Variants in EYS observed in about 807,000 individuals in gnomAD.
The protein encoded by EYS is EGF-like photoreceptor maintenance factor.
EYS carries 250 observed loss-of-function variants against 282.1 expected under a neutral mutation model. The observed-to-expected ratio is 0.89, with a 90% CI of 0.80 to 0.98. The LOEUF is 0.98. EYS is among the 50% of genes least tolerant of loss of function. The pLI is 0.00. For missense variants in EYS, 4,016 were observed against 3,709.0 expected (o/e 1.08, Z -2.15); for synonymous variants, 1,355 against 1,282.9 (o/e 1.06, Z -1.20).
At chr6:64,188,731 A>G (rs892686103) in intron 31 of EYS, among the ~76,000 whole-genome samples, 3 of 151,842 alleles carry the variant, frequency 2.0e-5, no homozygotes, top group Non-Finnish European at 2.9e-5. Context: ...AAAGCCTGAC[A>G]TATAGTAATA....
intron 32 of EYS, among the ~76,000 whole-genome samples, chr6:64,074,232 T>C (rs1289842770): frequency 1.3e-5 from 2 of 151,598 alleles, no homozygotes; most frequent in Non-Finnish European, 3.0e-5. Context: ...AATAATAGTA[T>C]TCCTCTCAAA....
chr6:63,723,473 T>C (rs1342673575), intron 42 of EYS, among the ~76,000 whole-genome samples: 1 of 152,088 alleles, frequency 6.6e-6, no homozygotes, highest in Admixed American at 6.6e-5. Context: ...TGTTGTAGAG[T>C]GTTCCTGTAG....
chr6:64,357,925 C>T (rs1311187152), intron 29 of EYS, among the ~76,000 whole-genome samples: 1 of 151,518 alleles, frequency 6.6e-6, no homozygotes, highest in Non-Finnish European at 1.5e-5. Flanking sequence ...GAGTATTTTC[C>T]ATTAGTTATT....
At chr6:64,899,569 GACATTAATAGACAA>G (rs1277128317) in intron 18 of EYS, among the ~76,000 whole-genome samples, 1 of 151,726 alleles carries the variant, frequency 6.6e-6, no homozygotes, top group Non-Finnish European at 1.5e-5. Flanking sequence ...TATTATAATA[GACATTAATAGACAA>G]ACATTAATAG....
chr6:64,136,599 GA>G (rs1198599751), intron 31 of EYS, among the ~76,000 whole-genome samples: 2 of 152,042 alleles, frequency 1.3e-5, no homozygotes, highest in South Asian at 4.1e-4. Flanking sequence ...TGTCAGGCAT[GA>G]AAAAAAATTA....
intron 12 of EYS, among the ~76,000 whole-genome samples, chr6:65,144,854 T>C (rs941138910): frequency 6.6e-6 from 1 of 151,772 alleles, no homozygotes; most frequent in East Asian, 1.9e-4. Flanking sequence ...AACCTCCGCC[T>C]CCCAGGTTCA....
intron 12 of EYS, among the ~76,000 whole-genome samples, chr6:65,260,724 C>G (rs1767597949): frequency 6.6e-6 from 1 of 151,926 alleles, no homozygotes; most frequent in Admixed American, 6.6e-5. Flanking sequence ...TCCAATATGG[C>G]CCTTTTATGT....
intron 22 of EYS, among the ~76,000 whole-genome samples, chr6:64,700,717 T>C (rs2149923690): frequency 6.6e-6 from 1 of 152,012 alleles, no homozygotes; most frequent in African/African-American, 2.4e-5. Flanking sequence ...ATGAAACAAA[T>C]CATAGATGAT....
intron 34 of EYS, among the ~76,000 whole-genome samples, chr6:63,986,338 T>G (rs1562133814): frequency 6.6e-6 from 1 of 151,782 alleles, no homozygotes; most frequent in South Asian, 2.1e-4. Flanking sequence ...TGTAAATTAG[T>G]TTAGCCATTG....
At chr6:65,049,748 T>C (rs927797629) in intron 13 of EYS, among the ~76,000 whole-genome samples, 6 of 151,836 alleles carry the variant, frequency 4.0e-5, no homozygotes, top group African/African-American at 4.8e-5. Flanking sequence ...GTGTCAGGAG[T>C]ACATTTTCTC....
chr6:65,271,786 G>T (rs118097197), intron 12 of EYS, among the ~76,000 whole-genome samples: 2 of 151,872 alleles, frequency 1.3e-5, no homozygotes, highest in Non-Finnish European at 2.9e-5. Context: ...ATTTCACCAC[G>T]TTGGCCAGGC....
intron 5 of EYS, among the ~76,000 whole-genome samples, chr6:65,442,873 T>TACATATGTACATATATGTACATATAC (rs1554197047): frequency 2.9e-5 from 3 of 103,532 alleles, no homozygotes; most frequent in Non-Finnish European, 7.3e-5. Flanking sequence ...TATACATACA[T>TACATATGTACATATATGTACATATAC]ATACACATAC....
chr6:65,317,366 C>T (rs1769321606), intron 11 of EYS, among the ~76,000 whole-genome samples: 1 of 152,122 alleles, frequency 6.6e-6, no homozygotes, highest in African/African-American at 2.4e-5. Flanking sequence ...TTTATTTTTA[C>T]TACTATAAAG....
chr6:64,275,732 G>T (rs376831803), intron 30 of EYS, among the ~76,000 whole-genome samples: 1 of 151,328 alleles, frequency 6.6e-6, no homozygotes, highest in South Asian at 2.1e-4. Context: ...CGAGGCGGGC[G>T]GATCACGAGG....
intron 30 of EYS, among the ~76,000 whole-genome samples, chr6:64,268,592 A>G (rs1767841202): frequency 6.6e-6 from 1 of 152,158 alleles, no homozygotes; most frequent in Non-Finnish European, 1.5e-5. Context: ...TATAGCAGCT[A>G]GGGAGATAAT....
At chr6:64,533,311 C>T (rs1764413160) in intron 26 of EYS, among the ~76,000 whole-genome samples, 1 of 152,146 alleles carries the variant, frequency 6.6e-6, no homozygotes, top group Admixed American at 6.5e-5. Context: ...ATGTAGTAAT[C>T]ATTTTCTAAA....
intron 12 of EYS, among the ~76,000 whole-genome samples, chr6:65,096,449 C>T (rs972521447): frequency 2.3e-4 from 35 of 150,754 alleles, no homozygotes; most frequent in African/African-American, 8.2e-4. Context: ...AGTGAAATCC[C>T]TGTCAAAATC....
chr6:64,415,686 T>C (rs1391821970), intron 28 of EYS, among the ~76,000 whole-genome samples: 2 of 152,200 alleles, frequency 1.3e-5, no homozygotes, highest in African/African-American at 4.8e-5. Flanking sequence ...GGATTTTTTA[T>C]TGACCTATTT....
At chr6:63,783,298 T>C (rs1014218829) in intron 39 of EYS, among the ~76,000 whole-genome samples, 7 of 152,138 alleles carry the variant, frequency 4.6e-5, no homozygotes, top group Non-Finnish European at 7.4e-5. Context: ...TCCAGGTGAG[T>C]TGGCAAACAG....
Sources: gnomAD v4.1 joint callset for allele counts (sites outside exome capture counted in the v4.1 genomes callset) on GRCh38, gnomAD v4.1.1 for gene constraint, MANE v1.5 for transcripts, NCBI Gene and HGNC (gene_info 2026-07-23, HGNC 2026-07-21) for gene names.